Variants in FBXL17 observed in about 807,000 individuals in gnomAD.
FBXL17 encodes the protein F-box/LRR-repeat protein 17.
Under a neutral mutation model 66.2 loss-of-function variants are expected in FBXL17, and 22 were observed. That is an observed-to-expected ratio of 0.33 (90% CI 0.24 to 0.47). The LOEUF (loss-of-function observed/expected upper bound fraction) is 0.47. Among genes scored for constraint, FBXL17 ranks in the 20% least tolerant of loss-of-function variants. The pLI, the probability that FBXL17 is intolerant of heterozygous loss-of-function variation, is 1.00. For missense variants in FBXL17, 878 were observed against 948.2 expected, an observed-to-expected ratio of 0.93 and a Z score of 0.97; for synonymous variants, 474 against 400.5, an observed-to-expected ratio of 1.18 and a Z score of -2.19.
chr5:108,005,241 C>T (rs1049888878), intron 7 of FBXL17, among the ~76,000 whole-genome samples: 1 of 152,052 alleles, frequency 6.6e-6, no homozygotes, highest in African/African-American at 2.4e-5. Context: ...GTACTTATTC[C>T]TGTGGCTATG....
chr5:107,979,805 G>A (rs1752737698), intron 7 of FBXL17, among the ~76,000 whole-genome samples: 1 of 152,102 alleles, frequency 6.6e-6, no homozygotes, highest in Admixed American at 6.5e-5. Flanking sequence ...AATTTTAGAT[G>A]CATGTGATAC....
intron 7 of FBXL17, among the ~76,000 whole-genome samples, chr5:108,018,672 A>G (rs1754474246): frequency 6.6e-6 from 1 of 152,142 alleles, no homozygotes; most frequent in Non-Finnish European, 1.5e-5. Context: ...GGAAGGTAAG[A>G]TGGGGCAGAG....
At chr5:108,372,341 A>G (rs1405031204) in intron 1 of FBXL17, among the ~76,000 whole-genome samples, 1 of 152,220 alleles carries the variant, frequency 6.6e-6, no homozygotes, top group Non-Finnish European at 1.5e-5. Context: ...CAGAAGGAAA[A>G]GAGAGTGAAA....
chr5:108,355,946 A>C (rs1382389488), intron 3 of FBXL17, among the ~76,000 whole-genome samples: 1 of 152,222 alleles, frequency 6.6e-6, no homozygotes, highest in East Asian at 1.9e-4. Flanking sequence ...GATTGTCAAA[A>C]TGGATCAAAA....
chr5:108,316,515 C>A (rs1403857619), intron 4 of FBXL17, among the ~76,000 whole-genome samples: 1 of 151,334 alleles, frequency 6.6e-6, no homozygotes, highest in Non-Finnish European at 1.5e-5. Flanking sequence ...AAAAGTATAT[C>A]ATATAAATAA....
At chr5:108,050,261 C>T (rs190656884) in intron 6 of FBXL17, among the ~76,000 whole-genome samples, 1 of 152,266 alleles carries the variant, frequency 6.6e-6, no homozygotes, top group East Asian at 1.9e-4. Context: ...ACAGAATATA[C>T]CTTCTTGTTA....
intron 7 of FBXL17, among the ~76,000 whole-genome samples, chr5:108,008,950 T>C (rs577578866): frequency 7.5e-4 from 114 of 151,830 alleles, no homozygotes; most frequent in African/African-American, 2.7e-3. Context: ...AACTGCTTTC[T>C]TGGAGAGGCT....
Position 108,117,968 on chromosome 5 carries a change from G to A in FBXL17, c.1745+68149C>T, listed in dbSNP as rs192391442. On this transcript the variant is annotated intron_variant, in intron 6 of 8. Transcript: ENST00000542267. ...CTTCTTTGTCAGCATACTAGAAACC[G>A]TAAGGAATGAAAAAGCAGGAGATGG... Among the ~76,000 whole-genome samples, 7 of 152,180 alleles carry A rather than the reference G, an allele frequency of 4.6e-5. No individual in the cohort carries two copies. The East Asian group carries it at 5.8e-4, about 13-fold the overall frequency.
intron 8 of FBXL17, chr5:107,879,141 T>G: frequency 1.0e-6 from 1 of 985,428 alleles, no homozygotes; most frequent in South Asian, 4.7e-5. Flanking sequence ...AACATACAAC[T>G]TCTACAGTGT....
At chr5:108,160,316 A>C (rs1353073860) in intron 6 of FBXL17, among the ~76,000 whole-genome samples, 1 of 152,210 alleles carries the variant, frequency 6.6e-6, no homozygotes. Flanking sequence ...AACAGCATTA[A>C]ATTGATATAA....
At chr5:107,939,652 G>A (rs764118045) in intron 7 of FBXL17, among the ~76,000 whole-genome samples, 1 of 152,092 alleles carries the variant, frequency 6.6e-6, no homozygotes, top group Non-Finnish European at 1.5e-5. Flanking sequence ...CCTGTCTCCA[G>A]TATTTCCTAA....
intron 6 of FBXL17, among the ~76,000 whole-genome samples, chr5:108,083,942 A>G (rs1748873750): frequency 6.6e-6 from 1 of 152,170 alleles, no homozygotes; most frequent in Admixed American, 6.5e-5. Flanking sequence ...CACCTAAGCT[A>G]GGAGGGAAAA....
At chr5:107,976,417 A>G (rs1752584154) in intron 7 of FBXL17, among the ~76,000 whole-genome samples, 1 of 152,206 alleles carries the variant, frequency 6.6e-6, no homozygotes, top group South Asian at 2.1e-4. Flanking sequence ...TGTTAATTTT[A>G]TATAGACTTA....
intron 7 of FBXL17, among the ~76,000 whole-genome samples, chr5:107,900,815 T>C (rs1476254316): frequency 6.6e-6 from 1 of 152,118 alleles, no homozygotes; most frequent in Non-Finnish European, 1.5e-5. Flanking sequence ...AAGCGAACCC[T>C]ATAAAAGGAG....
At chr5:108,269,185 G>C (rs1420977705) in intron 4 of FBXL17, among the ~76,000 whole-genome samples, 1 of 151,994 alleles carries the variant, frequency 6.6e-6, no homozygotes, top group Non-Finnish European at 1.5e-5. Flanking sequence ...ATTCCATCTT[G>C]TGCTTTTAAG....
At chr5:107,902,830 TA>T (rs1001861505) in intron 7 of FBXL17, among the ~76,000 whole-genome samples, 3 of 152,148 alleles carry the variant, frequency 2.0e-5, no homozygotes, top group African/African-American at 7.2e-5. Context: ...TTTTTTTTTT[TA>T]ATAACTTGCA....
chr5:108,330,276 G>A (rs765512432), intron 4 of FBXL17, among the ~76,000 whole-genome samples: 40 of 152,084 alleles, frequency 2.6e-4, no homozygotes, highest in Admixed American at 1.9e-3. Flanking sequence ...TATGAACCAC[G>A]TGATAACTTT....
chr5:108,160,025 T>G (rs1210148615), intron 6 of FBXL17, among the ~76,000 whole-genome samples: 1 of 151,754 alleles, frequency 6.6e-6, no homozygotes, highest in South Asian at 2.1e-4. Flanking sequence ...CAAAAAAAAT[T>G]AGAAAAACCT....
chr5:107,859,793 C>G lies in FBXL17; in HGVS notation c.*1927G>C, dbSNP rs957244272. 6.6e-6 allele frequency: 1 copy of G among 151,842 alleles called. No homozygotes were observed. The highest frequency in any genetic ancestry group is 2.4e-5 in the African/African-American group (1 of 41,302). The allele number at this position is 151,842 out of a possible 1,614,324, so 9.4% of individuals were successfully genotyped here. A position where few individuals can be genotyped will look rare whatever the true frequency, so the allele number is the denominator to read the frequency against. On this transcript the variant is annotated 3_prime_UTR_variant, in exon 9 of 9. Transcript: ENST00000542267. ...GACATATATAAAAATTAAACTTTTG[C>G]ATATTCACTCAAGCTACTATTACTA...
Sources: allele counts gnomAD v4.1 joint callset (sites outside exome capture counted in the v4.1 genomes callset), GRCh38; gene constraint gnomAD v4.1.1; transcripts MANE v1.5; gene names NCBI Gene and HGNC (gene_info 2026-07-23, HGNC 2026-07-21).